Variants in VIT observed in about 807,000 individuals in gnomAD.
VIT encodes vitrin.
Under a neutral mutation model 78.0 loss-of-function variants are expected in VIT, and 99 were observed. The ratio of observed to expected loss-of-function variants is 1.27; its 90% CI spans 1.08 to 1.50. VIT has a LOEUF of 1.50. VIT is among the 40% of genes most tolerant of loss of function. VIT has a pLI of 0.00. For missense variants in VIT, 1,126 were observed against 875.3 expected, an observed-to-expected ratio of 1.29 and a Z score of -3.61; for synonymous variants, 374 against 334.3, an observed-to-expected ratio of 1.12 and a Z score of -1.29.
At chr2:36,742,107 A>G (rs1323338245) in intron 3 of VIT, among the ~76,000 whole-genome samples, 1 of 152,216 alleles carries the variant, frequency 6.6e-6, no homozygotes, top group African/African-American at 2.4e-5. Flanking sequence ...AATGGGGGCC[A>G]GAACTGAATA....
chr2:36,712,189 T>C (rs1665843839), intron 1 of VIT, among the ~76,000 whole-genome samples: 1 of 152,166 alleles, frequency 6.6e-6, no homozygotes, highest in Non-Finnish European at 1.5e-5. Flanking sequence ...ATTTACATTT[T>C]AAGTGCTTGA....
intron 2 of VIT, among the ~76,000 whole-genome samples, chr2:36,726,680 G>C (rs1422554283): frequency 6.6e-6 from 1 of 152,036 alleles, no homozygotes; most frequent in Non-Finnish European, 1.5e-5. Flanking sequence ...TTAGCCAGGT[G>C]TGGTGACGGG....
intron 1 of VIT, among the ~76,000 whole-genome samples, chr2:36,705,203 C>T (rs1001862883): frequency 4.6e-5 from 7 of 152,144 alleles, no homozygotes; most frequent in Admixed American, 6.5e-5. Context: ...TGGCCCACCT[C>T]GTCTTTTTGA....
rs200385489 is a variant in VIT, at chr2:36,801,445, C to A, written c.1162+41C>A. 6.7e-6 allele frequency: 10 copies of A among 1,488,612 alleles called. No homozygotes were observed. The South Asian group carries it at 1.1e-4, about 17-fold the overall frequency. 92.2% of individuals were successfully genotyped at this position (1,488,612 alleles called of 1,614,324 possible). A position where few individuals can be genotyped will look rare whatever the true frequency, so the allele number is the denominator to read the frequency against. The stretch of plus-strand genomic sequence containing the variant: ...TCAAATTATACTATCTTGCTACCAT[C>A]GTTCTCTTTCTACGTGATTGTCTTC... On this transcript the variant is annotated intron_variant, in intron 13 of 15. Coordinates refer to ENST00000379242, the MANE Select transcript of VIT (RefSeq NM_053276.4).
rs1189720130 is a variant in VIT at position 36,717,333 on chromosome 2, AATGT to A, written c.52+912_52+915del. On this transcript the variant is annotated intron_variant, in intron 2 of 15. Coordinates refer to ENST00000379242, the MANE Select transcript of VIT (RefSeq NM_053276.4). Reference sequence around the variant, plus strand: ...CAGGCTCCCACCACCACGCCTGGCTAATGTGTGTGTGTGTGTGTGTGTGTGTGTG... The same window carrying A: ...CAGGCTCCCACCACCACGCCTGGCTAGTGTGTGTGTGTGTGTGTGTGTGTG... Among the ~76,000 whole-genome samples, 251 of 102,754 alleles carry A rather than the reference AATGT, an allele frequency of 2.4e-3. 5 individuals carry two copies. The highest frequency in any genetic ancestry group is 8.3e-3 in the African/African-American group (230 of 27,730). 67.4% of individuals were successfully genotyped at this position (102,754 alleles called of 152,430 possible).
intron 1 of VIT, among the ~76,000 whole-genome samples, chr2:36,712,548 G>C (rs1665867915): frequency 6.7e-6 from 1 of 148,908 alleles, no homozygotes. Context: ...CATTTAAAGT[G>C]TATAATTTGG....
At chr2:36,702,816 C>A (rs1338308292) in intron 1 of VIT, among the ~76,000 whole-genome samples, 1 of 152,186 alleles carries the variant, frequency 6.6e-6, no homozygotes, top group East Asian at 1.9e-4. Flanking sequence ...CCCTCCCCTA[C>A]TGCGTTGGGG....
At chr2:36,787,050 G>C in intron 11 of VIT, 79 bp from the exon 12 acceptor site, 1 of 1,556,200 alleles carries the variant, frequency 6.4e-7, no homozygotes, top group Non-Finnish European at 8.8e-7. Flanking sequence ...GGCTCTGATG[G>C]AGAAAGAGGA....
intron 2 of VIT, among the ~76,000 whole-genome samples, chr2:36,719,680 T>C (rs996407118): frequency 4.8e-4 from 73 of 152,202 alleles, no homozygotes; most frequent in African/African-American, 1.7e-3. Context: ...GGCTCACACC[T>C]GTAATCCCAG....
rs7580987 is a variant in VIT at position 36,729,592 on chromosome 2, A to G, written c.118+101A>G. On this transcript the variant is annotated intron_variant, in intron 3 of 15. Transcript: ENST00000379242. ...TAATTTTTGTTTTGGTTTGGTTTTTATCTCTATGTCAATTAATTTCCACTC... is the reference window on the plus strand; with the variant it reads ...TAATTTTTGTTTTGGTTTGGTTTTTGTCTCTATGTCAATTAATTTCCACTC... 9 of 1,160,306 alleles carry G rather than the reference A, an allele frequency of 7.8e-6. No individual in the cohort carries two copies. In the African/African-American group the frequency reaches 1.2e-4, roughly 16 times the overall value. The allele number at this position is 1,160,306 out of a possible 1,614,324, so 71.9% of individuals were successfully genotyped here.
At chr2:36,753,166 G>A (rs554561073) in intron 4 of VIT, among the ~76,000 whole-genome samples, 2 of 151,436 alleles carry the variant, frequency 1.3e-5, no homozygotes, top group Admixed American at 1.3e-4. Context: ...GAGAACACAC[G>A]GAAACATGAG....
chr2:36,756,875 C>T (rs1668797599), intron 5 of VIT, among the ~76,000 whole-genome samples: 1 of 152,190 alleles, frequency 6.6e-6, no homozygotes, highest in Non-Finnish European at 1.5e-5. Flanking sequence ...CCAAGAATCT[C>T]AACAGAGGTT....
chr2:36,794,787 A>G (rs905540162), intron 12 of VIT, among the ~76,000 whole-genome samples: 1 of 152,218 alleles, frequency 6.6e-6, no homozygotes, highest in African/African-American at 2.4e-5. Flanking sequence ...TTAAATAAAT[A>G]AATGTGGTAG....
intron 9 of VIT, among the ~76,000 whole-genome samples, chr2:36,777,656 A>G (rs954124224): frequency 6.6e-6 from 1 of 152,176 alleles, no homozygotes; most frequent in Non-Finnish European, 1.5e-5. Flanking sequence ...ACCTCTGTAG[A>G]AGCAGGTCAC....
At chr2:36,727,289 T>G (rs568174540) in intron 2 of VIT, among the ~76,000 whole-genome samples, 6 of 152,324 alleles carry the variant, frequency 3.9e-5, no homozygotes, top group African/African-American at 1.4e-4. Flanking sequence ...CACACTCGTA[T>G]GCACACACAC....
At chr2:36,756,256 C>T (rs1408786875) in intron 5 of VIT, among the ~76,000 whole-genome samples, 4 of 152,080 alleles carry the variant, frequency 2.6e-5, no homozygotes, top group Admixed American at 1.3e-4. Flanking sequence ...CCACGCCCAG[C>T]CTAACAGTGT....
At chr2:36,763,683 G>T (rs1244551375) in intron 6 of VIT, among the ~76,000 whole-genome samples, 1 of 149,758 alleles carries the variant, frequency 6.7e-6, no homozygotes, top group South Asian at 2.1e-4. Flanking sequence ...TCCGCCTCCC[G>T]GGTTCAAGCC....
intron 9 of VIT, among the ~76,000 whole-genome samples, chr2:36,776,704 A>T (rs1670068026): frequency 6.6e-6 from 1 of 152,066 alleles, no homozygotes; most frequent in South Asian, 2.1e-4. Context: ...CTGAGGCAGG[A>T]GAATCACTTA....
At chr2:36,756,495 A>C (rs1489471186) in intron 5 of VIT, among the ~76,000 whole-genome samples, 1 of 152,170 alleles carries the variant, frequency 6.6e-6, no homozygotes, top group Non-Finnish European at 1.5e-5. Context: ...GTTTTCTAGC[A>C]CTGCTAGGCA....
Sources: gnomAD v4.1 joint callset for allele counts (sites outside exome capture counted in the v4.1 genomes callset) on GRCh38, gnomAD v4.1.1 for gene constraint, MANE v1.5 for transcripts, NCBI Gene and HGNC (gene_info 2026-07-23, HGNC 2026-07-21) for gene names.